USP38: variants seen among roughly 807,000 people sequenced by gnomAD.
The protein encoded by USP38 is ubiquitin specific peptidase 38.
USP38 carries 49 observed loss-of-function variants against 94.3 expected under a neutral mutation model. That is an observed-to-expected ratio of 0.52 (90% CI 0.41 to 0.66). USP38 has a LOEUF of 0.66. Ranked by LOEUF, USP38 falls within the 30% of genes least tolerant of loss-of-function variation. USP38 has a pLI of 0.00. For synonymous variants in USP38, 468 were observed against 463.6 expected (o/e 1.01, Z -0.12); for missense variants, 1,128 against 1,229.4 (o/e 0.92, Z 1.23).
intron 9 of USP38, among the ~76,000 whole-genome samples, chr4:143,217,090 G>T (rs1732206395): frequency 6.6e-6 from 1 of 152,172 alleles, no homozygotes; most frequent in Non-Finnish European, 1.5e-5. Context: ...AGGATTACAG[G>T]CATGAGCCAC....
Position 143,186,078 on chromosome 4 carries a change from C to G in USP38, c.628C>G (p.Pro210Ala), listed in dbSNP as rs777893616. 1 of 1,614,178 alleles carries G rather than the reference C, an allele frequency of 6.2e-7. No homozygotes were observed. Among genetic ancestry groups the G allele is most frequent in the Non-Finnish European group, 8.5e-7 (1 of 1,180,040 alleles). The change falls in exon 1 of 10, where the codon CCT becomes GCT. Residue 210 changes from proline to alanine, a missense_variant. Physicochemically the swap from Pro to Ala is conservative, Grantham distance 27. Transcript: ENST00000307017. ...NLLQNIWKAE[P>A]ATLLPSLQEV... Reference sequence around the variant, plus strand: ...GCTGCAGAACATCTGGAAGGCCGAGCCTGCCACACTACTGCCTTCCCTGCA... The same window carrying G: ...GCTGCAGAACATCTGGAAGGCCGAGGCTGCCACACTACTGCCTTCCCTGCA...
At chr4:143,203,071 C>T (rs1325489190) in intron 4 of USP38, among the ~76,000 whole-genome samples, 2 of 151,934 alleles carry the variant, frequency 1.3e-5, no homozygotes, top group African/African-American at 2.4e-5. Flanking sequence ...CATTGAATGA[C>T]CTGGTAAATA....
rs923694688 is a variant in USP38, at chr4:143,208,252, ATAAGT to A, written c.1404-1308_1404-1304del. On this transcript the variant is annotated intron_variant, in intron 6 of 9. Transcript: ENST00000307017. ...CATTTAATTTAATGAGATTTAATAA[ATAAGT>A]TAAATTAGTATTTAATAAATACTTC... is the stretch of plus-strand genomic sequence containing the variant. 7.2e-5 allele frequency among the ~76,000 whole-genome samples: 11 copies of A among 152,230 alleles called. No homozygotes were observed. The East Asian group carries it at 1.5e-3, about 21-fold the overall frequency.
At chr4:143,198,235 C>T (rs2149606890) in intron 4 of USP38, among the ~76,000 whole-genome samples, 1 of 152,256 alleles carries the variant, frequency 6.6e-6, no homozygotes, top group East Asian at 1.9e-4. Context: ...TGATTGAAAA[C>T]CACTGCTTTA....
intron 4 of USP38, among the ~76,000 whole-genome samples, chr4:143,202,174 A>C (rs1249146298): frequency 1.3e-5 from 2 of 152,156 alleles, no homozygotes; most frequent in Non-Finnish European, 2.9e-5. Flanking sequence ...TTAGAAATGT[A>C]AAGATGATAG....
chr4:143,206,645 G>A (rs1467749331), intron 6 of USP38, among the ~76,000 whole-genome samples: 15 of 152,148 alleles, frequency 9.9e-5, no homozygotes, highest in African/African-American at 3.1e-4. Context: ...AGCCAAGATC[G>A]TGCTGTTGCA....
rs779706050 is a variant in USP38 at position 143,212,340 on chromosome 4, T to A, written c.1520T>A (p.Ile507Lys). 1.7e-5 allele frequency: 28 copies of A among 1,611,448 alleles called. No individual in the cohort carries two copies. Among genetic ancestry groups the A allele is most frequent in the Non-Finnish European group, 2.1e-5 (25 of 1,178,720 alleles). Residue 507 changes from isoleucine to lysine, a missense_variant, in exon 8 of 10, where the codon ATA (isoleucine) becomes AAA (lysine). Ile to Lys is a moderately radical substitution (Grantham distance 102). Transcript: ENST00000307017. ...AAGAGGGAAGCATACGCACCTCGGA[T>A]ATTCTTTGAGGCTTCCAGACCTCCA... ...HTQREAYAPR[I>K]FFEASRPPWF... is the part of the protein sequence containing the mutation.
At position 143,213,656 on chromosome 4, in the gene USP38, T is replaced by A; in HGVS notation, c.1680T>A (p.Thr560=). Residue 560 remains threonine, a synonymous_variant, in exon 9 of 10, where the codon ACT becomes ACA. Coordinates refer to ENST00000307017, the MANE Select transcript of USP38 (RefSeq NM_032557.6). The part of the protein sequence containing the change: ...KPSEILECSE[T]SLQEVASKAA... ...CTGAAATTCTGGAATGCAGTGAAAC[T>A]TCTTTACAGGAAGTAGCTAGTAAAG... 1 of 1,613,474 alleles carries A rather than the reference T, an allele frequency of 6.2e-7. No individual in the cohort carries two copies. Among genetic ancestry groups the A allele is most frequent in the African/African-American group, 1.3e-5 (1 of 75,024 alleles).
intron 2 of USP38, among the ~76,000 whole-genome samples, chr4:143,193,603 G>A (rs1167206325): frequency 6.6e-6 from 1 of 152,210 alleles, no homozygotes; most frequent in African/African-American, 2.4e-5. Context: ...TGGAAATAAA[G>A]TTTGTGTAGA....
intron 7 of USP38, among the ~76,000 whole-genome samples, chr4:143,211,459 T>C (rs2149611598): frequency 6.6e-6 from 1 of 152,224 alleles, no homozygotes; most frequent in South Asian, 2.1e-4. Context: ...CTGTTCAGGG[T>C]CATGCAAGCA....
chr4:143,199,318 C>A (rs946666288), intron 4 of USP38, among the ~76,000 whole-genome samples: 20 of 152,074 alleles, frequency 1.3e-4, no homozygotes, highest in African/African-American at 4.6e-4. Flanking sequence ...AAGACATGAT[C>A]TTATTATTAT....
At chr4:143,192,087 T>C (rs927713570) in intron 2 of USP38, among the ~76,000 whole-genome samples, 1 of 152,352 alleles carries the variant, frequency 6.6e-6, no homozygotes, top group East Asian at 1.9e-4. Context: ...GTGTAATTGT[T>C]GACAAATTTC....
intron 9 of USP38, chr4:143,215,515 C>T (rs1445085152): frequency 6.6e-6 from 1 of 151,800 alleles, no homozygotes; most frequent in Non-Finnish European, 1.5e-5. Flanking sequence ...ATACTTTTTT[C>T]AAGGAGTTAG....
chr4:143,193,099 C>T (rs981464305), intron 2 of USP38, among the ~76,000 whole-genome samples: 1 of 152,062 alleles, frequency 6.6e-6, no homozygotes, highest in Non-Finnish European at 1.5e-5. Flanking sequence ...TCCACAGAGC[C>T]AAGATGTGCT....
At chr4:143,186,900 T>C (rs942982669) in intron 1 of USP38, among the ~76,000 whole-genome samples, 1 of 152,222 alleles carries the variant, frequency 6.6e-6, no homozygotes, top group African/African-American at 2.4e-5. Context: ...ACAAGCATTC[T>C]CCTTCATTTA....
chr4:143,222,022 T>C lies in USP38; in HGVS notation c.*1566T>C, dbSNP rs1332014798. 1.3e-5 allele frequency: 2 copies of C among 152,078 alleles called. No individual in the cohort carries two copies. The highest frequency in any genetic ancestry group is 1.3e-4 in the Admixed American group (2 of 15,254). The allele number at this position is 152,078 out of a possible 1,614,324, so 9.4% of individuals were successfully genotyped here. ...TTCTGTGGTTTTCCTATCCCAATAG[T>C]GAATTTCTGAGCTATCCTGTGTGTT... On this transcript the variant is annotated 3_prime_UTR_variant, in exon 10 of 10. Transcript: ENST00000307017.
rs1411956119 is a variant in USP38 at position 143,221,731 on chromosome 4, G to A, written c.*1275G>A. On this transcript the variant is annotated 3_prime_UTR_variant, in exon 10 of 10. Coordinates refer to ENST00000307017, the MANE Select transcript of USP38 (RefSeq NM_032557.6). ...TTTAACTTATCCACAGTTGTGCATT[G>A]TTCTGAAGATTGGTCTCATATTTAT... 1.3e-5 allele frequency: 2 copies of A among 152,020 alleles called. No homozygotes were observed. The highest frequency in any genetic ancestry group is 2.9e-5 in the Non-Finnish European group (2 of 67,964). The allele number at this position is 152,020 out of a possible 1,614,324, so 9.4% of individuals were successfully genotyped here. A position where few individuals can be genotyped will look rare whatever the true frequency, so the allele number is the denominator to read the frequency against.
Position 143,214,105 on chromosome 4 carries a change from C to T in USP38, c.2129C>T (p.Pro710Leu), listed in dbSNP as rs1732113447. ...ILVNKDVPQK[P>L]GGETTPSVTD... is the part of the protein sequence containing the mutation. The stretch of plus-strand genomic sequence containing the variant: ...GTTAATAAAGATGTACCTCAGAAAC[C>T]AGGAGGTGAAACCACACCTTCAGTA... Residue 710 changes from proline to leucine, a missense_variant, in exon 9 of 10, where the codon CCA (proline) becomes CTA (leucine). Physicochemically the swap from Pro to Leu is moderately conservative, Grantham distance 98. Coordinates refer to ENST00000307017, the MANE Select transcript of USP38 (RefSeq NM_032557.6). 2.5e-6 allele frequency: 4 copies of T among 1,613,112 alleles called. No homozygotes were observed. The highest frequency in any genetic ancestry group is 3.4e-6 in the Non-Finnish European group (4 of 1,179,704).
intron 6 of USP38, among the ~76,000 whole-genome samples, chr4:143,207,680 TAGA>T: frequency 6.9e-6 from 1 of 144,040 alleles, no homozygotes; most frequent in Non-Finnish European, 1.5e-5. Context: ...TTTTTTTTTT[TAGA>T]GAGCAGCTAT....
Sources: allele counts gnomAD v4.1 joint callset (sites outside exome capture counted in the v4.1 genomes callset), GRCh38; gene constraint gnomAD v4.1.1; transcripts MANE v1.5; gene names NCBI Gene and HGNC (gene_info 2026-07-23, HGNC 2026-07-21).